Variants in PLEKHM3 observed in about 807,000 individuals in gnomAD.
The protein encoded by PLEKHM3 is pleckstrin homology domain containing M3.
Under a neutral mutation model 81.8 loss-of-function variants are expected in PLEKHM3, and 45 were observed. That is an observed-to-expected ratio of 0.55 (90% CI 0.43 to 0.71). The LOEUF (loss-of-function observed/expected upper bound fraction) is 0.71, where lower values mean the gene tolerates loss of function less well. PLEKHM3 is among the 30% of genes least tolerant of loss of function. PLEKHM3 has a pLI of 0.00. For missense variants in PLEKHM3, 788 were observed against 924.3 expected, an observed-to-expected ratio of 0.85 and a Z score of 1.91; for synonymous variants, 352 against 356.4, an observed-to-expected ratio of 0.99 and a Z score of 0.14.
rs990428137 is a variant in PLEKHM3, at chr2:207,823,291, ATTTGGAACTTACTTT to A, written c.*5013_*5027del. The A allele has an allele frequency of 6.6e-6, 1 of 150,468 alleles. No homozygotes were observed. The highest frequency in any genetic ancestry group is 2.4e-5 in the African/African-American group (1 of 40,888). The allele number at this position is 150,468 out of a possible 1,614,324, so 9.3% of individuals were successfully genotyped here. ...GAAGACAGTGCCACAAAACATGATC[ATTTGGAACTTACTTT>A]TTTTTTTTTTTTTGAGACGGAGTCT... On this transcript the variant is annotated 3_prime_UTR_variant, in exon 8 of 8. Transcript: ENST00000427836.
At chr2:207,986,293 G>GTAC in intron 2 of PLEKHM3, among the ~76,000 whole-genome samples, 1 of 152,302 alleles carries the variant, frequency 6.6e-6, no homozygotes, top group East Asian at 1.9e-4. Context: ...AGTGGATGGA[G>GTAC]TACTCGTAAG....
intron 2 of PLEKHM3, among the ~76,000 whole-genome samples, chr2:207,991,603 GA>G (rs35817950): frequency 0.64 from 97,672 of 151,910 alleles, 32,532 homozygotes; most frequent in Non-Finnish European, 0.73. Flanking sequence ...GGAGCCTCTG[GA>G]AAAAAAGACC....
At chr2:207,964,262 C>T (rs967287121) in intron 3 of PLEKHM3, among the ~76,000 whole-genome samples, 4 of 151,966 alleles carry the variant, frequency 2.6e-5, no homozygotes, top group African/African-American at 4.8e-5. Context: ...TCTCAAACTT[C>T]GTATGCACTC....
chr2:208,001,441 C>A lies in PLEKHM3; in HGVS notation c.199G>T (p.Gly67Cys). 4 of 1,614,128 alleles carry A rather than the reference C, an allele frequency of 2.5e-6. No homozygotes were observed. Among genetic ancestry groups the A allele is most frequent in the Non-Finnish European group, 2.5e-6 (3 of 1,180,024 alleles). Residue 67 changes from glycine to cysteine, a missense_variant, in exon 2 of 8, where the codon GGC (glycine) becomes TGC (cysteine). By Grantham distance (159) the Gly-to-Cys change is radical. Coordinates refer to ENST00000427836, the MANE Select transcript of PLEKHM3 (RefSeq NM_001080475.3). ...TGGTCCCAAATCATGCCCCCCTTGC[C>A]CAGGGAGGTGACATTTCTCATAGCA... ...NGAMRNVTSL[G>C]KGGMIWDHCK... is the part of the protein sequence containing the mutation.
chr2:207,981,606 C>T (rs1395181960), intron 2 of PLEKHM3, among the ~76,000 whole-genome samples: 2 of 152,116 alleles, frequency 1.3e-5, no homozygotes, highest in Admixed American at 6.6e-5. Context: ...TTTGGCCTCC[C>T]AAAGTGCTTG....
rs2306435 is a variant in PLEKHM3, at chr2:207,825,059, T to C, written c.*3260A>G. The C allele has an allele frequency of 0.3, 44,872 of 152,006 alleles. 6,982 individuals carry two copies. Among genetic ancestry groups the C allele is most frequent in the African/African-American group, 0.4 (16,697 of 41,440 alleles). 9.4% of individuals were successfully genotyped at this position (152,006 alleles called of 1,614,324 possible). A position where few individuals can be genotyped will look rare whatever the true frequency, so the allele number is the denominator to read the frequency against. ...GAAAAGGCAGTGAAGCAAAGGGGGC[T>C]GCTGAGAGTTTACATGGTTTTCATA... is the stretch of plus-strand genomic sequence containing the variant. On this transcript the variant is annotated 3_prime_UTR_variant, in exon 8 of 8. Coordinates refer to ENST00000427836, the MANE Select transcript of PLEKHM3 (RefSeq NM_001080475.3).
chr2:207,885,571 T>C (rs1331055014), intron 6 of PLEKHM3, among the ~76,000 whole-genome samples: 2 of 152,230 alleles, frequency 1.3e-5, no homozygotes, highest in Non-Finnish European at 2.9e-5. Flanking sequence ...GTAGCTTCTC[T>C]ACTCCCCTGA....
intron 1 of PLEKHM3, among the ~76,000 whole-genome samples, chr2:208,005,331 G>C (rs1692462253): frequency 6.6e-6 from 1 of 151,922 alleles, no homozygotes; most frequent in African/African-American, 2.4e-5. Flanking sequence ...TCTATTCCAG[G>C]ATCCTATACA....
At position 207,822,384 on chromosome 2, in the gene PLEKHM3, A is replaced by C. The variant is rs1188031725; in HGVS notation, c.*5935T>G. 2 of 152,686 alleles carry C rather than the reference A, an allele frequency of 1.3e-5. No homozygotes were observed. The highest frequency in any genetic ancestry group is 4.8e-5 in the African/African-American group (2 of 41,466). The allele number at this position is 152,686 out of a possible 1,614,324, so 9.5% of individuals were successfully genotyped here. ...AAAAGGCTAAGTTCACTGACTTTAC[A>C]GATTCAATTATGGATGGCTGGTTTT... On this transcript the variant is annotated 3_prime_UTR_variant, in exon 8 of 8. Transcript: ENST00000427836.
At chr2:207,920,688 C>T (rs1450248523) in intron 5 of PLEKHM3, among the ~76,000 whole-genome samples, 3 of 147,960 alleles carry the variant, frequency 2.0e-5, no homozygotes, top group African/African-American at 2.5e-5. Flanking sequence ...TATGTTCTTA[C>T]GTGAAATGAT....
intron 6 of PLEKHM3, among the ~76,000 whole-genome samples, chr2:207,905,497 T>C (rs1451587056): frequency 6.6e-6 from 1 of 152,192 alleles, no homozygotes; most frequent in Non-Finnish European, 1.5e-5. Flanking sequence ...GTCCTTTCCA[T>C]TACATATTTG....
chr2:207,976,876 G>C lies in PLEKHM3; in HGVS notation c.1321C>G (p.Arg441Gly), dbSNP rs536973970. 4.3e-6 allele frequency: 7 copies of C among 1,614,156 alleles called. No individual in the cohort carries two copies. The South Asian group carries it at 5.5e-5, about 13-fold the overall frequency. The stretch of plus-strand genomic sequence containing the variant: ...TCCATCCATTCCTGAGCCCTCTGTC[G>C]GGTCTCAGCTCGGAGGCGAAGGACA... ...QDVLRLRAETRQRAQEWMEAL... is the reference protein window; with the variant it reads ...QDVLRLRAETGQRAQEWMEAL... The change falls in exon 3 of 8, where the codon CGA becomes GGA. Residue 441 changes from arginine to glycine, a missense_variant. Arg to Gly is a moderately radical substitution (Grantham distance 125). Transcript: ENST00000427836. The surrounding 1 kb of genome is among the most constrained non-coding windows in gnomAD (Gnocchi z 4.1).
chr2:207,842,405 T>C (rs1252596584), intron 7 of PLEKHM3, among the ~76,000 whole-genome samples: 1 of 152,230 alleles, frequency 6.6e-6, no homozygotes, highest in African/African-American at 2.4e-5. Context: ...ACAAGTTTGG[T>C]GGGTTAAACT....
At position 207,858,865 on chromosome 2, in the gene PLEKHM3, G is replaced by C. The variant is rs116202557; in HGVS notation, c.2108+2240C>G. Reference sequence around the variant, plus strand: ...ATACAATTCACTAATTTTTAGTGTAGTCATAAGACCATGCAACCATTACCA... The same window carrying C: ...ATACAATTCACTAATTTTTAGTGTACTCATAAGACCATGCAACCATTACCA... On this transcript the variant is annotated intron_variant, in intron 7 of 7. Coordinates refer to ENST00000427836, the MANE Select transcript of PLEKHM3 (RefSeq NM_001080475.3). Among the ~76,000 whole-genome samples the C allele has an allele frequency of 6.7e-3, 1,014 of 152,096 alleles. 12 individuals carry two copies. The highest frequency in any genetic ancestry group is 0.023 in the African/African-American group (971 of 41,492).
chr2:207,872,163 C>T (rs2092538133), intron 6 of PLEKHM3, among the ~76,000 whole-genome samples: 1 of 152,176 alleles, frequency 6.6e-6, no homozygotes, highest in Non-Finnish European at 1.5e-5. Flanking sequence ...TTTCTGAGGG[C>T]ATCTGAGGTC....
intron 6 of PLEKHM3, among the ~76,000 whole-genome samples, chr2:207,893,985 C>T (rs80314977): frequency 1.8e-4 from 28 of 152,168 alleles, no homozygotes; most frequent in East Asian, 1.4e-3. Flanking sequence ...GGTGTGGTGG[C>T]GCACACCTGT....
At chr2:207,852,844 T>C (rs2092419702) in intron 7 of PLEKHM3, 1 of 424,758 alleles carries the variant, frequency 2.4e-6, no homozygotes, top group Non-Finnish European at 4.6e-6. Context: ...ATCTAAAATT[T>C]AAAAAGAAAA....
chr2:207,948,537 A>ATTTTT (rs1459443461), intron 3 of PLEKHM3, among the ~76,000 whole-genome samples: 1 of 91,826 alleles, frequency 1.1e-5, no homozygotes, highest in African/African-American at 4.5e-5. Flanking sequence ...TGTATTTTCT[A>ATTTTT]TTTTTTTTGT....
intron 6 of PLEKHM3, among the ~76,000 whole-genome samples, chr2:207,890,829 A>C (rs1688039435): frequency 6.6e-6 from 1 of 152,158 alleles, no homozygotes; most frequent in South Asian, 2.1e-4. Flanking sequence ...TTGCTTTTGG[A>C]GGATATGATT....
Sources: gnomAD v4.1 joint callset for allele counts (sites outside exome capture counted in the v4.1 genomes callset) on GRCh38, gnomAD v4.1.1 for gene constraint, Gnocchi (gnomAD v3.1) non-coding constraint, MANE v1.5 for transcripts, NCBI Gene and HGNC (gene_info 2026-07-23, HGNC 2026-07-21) for gene names.